The following ERC2 variants were observed in gnomAD, a reference collection of about 807,000 sequenced individuals.
ERC2 encodes the protein ELKS/RAB6-interacting/CAST family member 2.
In ERC2, 42 loss-of-function variants were observed where a neutral mutation model predicts 114.8. That is an observed-to-expected ratio of 0.37 (90% confidence interval 0.29 to 0.47). The LOEUF (loss-of-function observed/expected upper bound fraction) is 0.47, where lower values mean the gene tolerates loss of function less well. ERC2 is among the 20% of genes least tolerant of loss of function. The pLI, the probability that ERC2 is intolerant of heterozygous loss-of-function variation, is 0.99. For missense variants in ERC2, 939 were observed against 1,150.7 expected (o/e 0.82, Z 2.66); for synonymous variants, 454 against 425.5 (o/e 1.07, Z -0.82).
At chr3:55,799,874 G>T (rs1294522319) in intron 14 of ERC2, among the ~76,000 whole-genome samples, 1 of 152,070 alleles carries the variant, frequency 6.6e-6, no homozygotes, top group African/African-American at 2.4e-5. Flanking sequence ...GTCAGAGTAG[G>T]GGTCACCATT....
intron 15 of ERC2, among the ~76,000 whole-genome samples, chr3:55,715,913 G>C (rs1472191979): frequency 6.6e-6 from 1 of 152,092 alleles, no homozygotes; most frequent in Non-Finnish European, 1.5e-5. Flanking sequence ...TGGTGGTTGG[G>C]GGATGCATTA....
intron 13 of ERC2, among the ~76,000 whole-genome samples, chr3:55,902,522 G>C (rs1045745062): frequency 6.6e-6 from 1 of 152,200 alleles, no homozygotes; most frequent in African/African-American, 2.4e-5. Context: ...AGGAGTATGA[G>C]AGGCACCACA....
chr3:55,579,812 G>A (rs761745118), intron 17 of ERC2, among the ~76,000 whole-genome samples: 5 of 152,280 alleles, frequency 3.3e-5, no homozygotes, highest in Non-Finnish European at 2.9e-5. Flanking sequence ...CCTCCTTTGC[G>A]TTGAAGAGCC....
intron 15 of ERC2, among the ~76,000 whole-genome samples, chr3:55,728,332 T>A (rs2065044852): frequency 6.6e-6 from 1 of 152,098 alleles, no homozygotes; most frequent in Admixed American, 6.6e-5. Flanking sequence ...CTGTTACAAG[T>A]GCTATAAAAT....
chr3:55,956,596 G>T lies in ERC2; in HGVS notation c.2268-6036C>A, dbSNP rs376842351. On this transcript the variant is annotated intron_variant, in intron 12 of 17. Transcript: ENST00000288221. ...TGATATCCTTTCCAGGAAGAGAAAGGATCTGGCCTGCTGTGGCAACTTGAA... is the reference window on the plus strand; with the variant it reads ...TGATATCCTTTCCAGGAAGAGAAAGTATCTGGCCTGCTGTGGCAACTTGAA... Among the ~76,000 whole-genome samples the T allele has an allele frequency of 4.6e-5, 7 of 152,194 alleles. No individual in the cohort carries two copies. The East Asian group carries it at 1.2e-3, about 25-fold the overall frequency.
chr3:56,458,308 C>T (rs1166379648), intron 1 of ERC2, among the ~76,000 whole-genome samples: 2 of 152,068 alleles, frequency 1.3e-5, no homozygotes, highest in Middle Eastern at 3.4e-3. Context: ...AACAGAGATC[C>T]CAAATAAGGA....
chr3:56,161,948 C>G (rs960758290), intron 4 of ERC2, among the ~76,000 whole-genome samples: 2 of 152,076 alleles, frequency 1.3e-5, no homozygotes, highest in Non-Finnish European at 2.9e-5. Context: ...GAGTGAGCAT[C>G]CTTGTCTTGT....
At chr3:56,368,997 T>C (rs745591452) in intron 2 of ERC2, among the ~76,000 whole-genome samples, 1 of 152,126 alleles carries the variant, frequency 6.6e-6, no homozygotes, top group Non-Finnish European at 1.5e-5. Context: ...CAAGGGAGGA[T>C]TCTCAGAGAT....
chr3:55,567,385 G>T (rs1011961828), intron 17 of ERC2, among the ~76,000 whole-genome samples: 1 of 152,214 alleles, frequency 6.6e-6, no homozygotes, highest in Non-Finnish European at 1.5e-5. Flanking sequence ...ATAAGGCAAG[G>T]TTGGAAAGGT....
intron 3 of ERC2, among the ~76,000 whole-genome samples, chr3:56,177,506 C>T (rs1235782636): frequency 1.3e-5 from 2 of 152,170 alleles, no homozygotes; most frequent in Admixed American, 1.3e-4. Flanking sequence ...AATTTTTCTG[C>T]GTCACAGATC....
intron 3 of ERC2, among the ~76,000 whole-genome samples, chr3:56,284,809 C>T (rs2054569363): frequency 6.6e-6 from 1 of 152,026 alleles, no homozygotes; most frequent in African/African-American, 2.4e-5. Flanking sequence ...TGTGGTATAT[C>T]AGATAAAACA....
At chr3:56,335,452 T>C (rs1156855503) in intron 2 of ERC2, among the ~76,000 whole-genome samples, 1 of 152,204 alleles carries the variant, frequency 6.6e-6, no homozygotes, top group Non-Finnish European at 1.5e-5. Context: ...AAAAAAGCGA[T>C]GATTTTTTAA....
At chr3:55,765,060 G>C (rs1038958181) in intron 14 of ERC2, among the ~76,000 whole-genome samples, 19 of 152,140 alleles carry the variant, frequency 1.2e-4, no homozygotes, top group African/African-American at 2.4e-5. Flanking sequence ...TCCAACAGGA[G>C]ATCGCTTCTT....
chr3:56,086,870 G>A (rs2077532289), intron 6 of ERC2, among the ~76,000 whole-genome samples: 2 of 152,178 alleles, frequency 1.3e-5, no homozygotes, highest in East Asian at 1.9e-4. Context: ...AAGTTAAAAT[G>A]TTTAGGTATA....
At chr3:56,286,423 A>G (rs1337725674) in intron 3 of ERC2, among the ~76,000 whole-genome samples, 1 of 150,246 alleles carries the variant, frequency 6.7e-6, no homozygotes, top group Non-Finnish European at 1.5e-5. Flanking sequence ...TCAAAAAAAA[A>G]AAAAAAAAAA....
At chr3:56,459,650 G>A (rs9819137) in intron 1 of ERC2, among the ~76,000 whole-genome samples, 62,708 of 152,012 alleles carry the variant, frequency 0.41, 13,236 homozygotes, top group South Asian at 0.54. Context: ...TGAACATTGC[G>A]GCTGGCCTTT....
At chr3:56,127,618 G>T (rs2079949665) in intron 6 of ERC2, among the ~76,000 whole-genome samples, 1 of 151,996 alleles carries the variant, frequency 6.6e-6, no homozygotes, top group Admixed American at 6.6e-5. Flanking sequence ...AGCTACTCGG[G>T]AGGCTGAGGC....
chr3:55,870,249 A>AT (rs922559162), intron 14 of ERC2, among the ~76,000 whole-genome samples: 1 of 151,936 alleles, frequency 6.6e-6, no homozygotes, highest in African/African-American at 2.4e-5. Flanking sequence ...TAATTTTTAG[A>AT]TTTTTAGTAG....
intron 6 of ERC2, among the ~76,000 whole-genome samples, chr3:56,108,628 C>T (rs987162783): frequency 3.9e-5 from 6 of 151,994 alleles, no homozygotes; most frequent in Non-Finnish European, 8.8e-5. Context: ...ATCATATTTA[C>T]TTAAACTAAT....
Sources: gnomAD v4.1 joint callset for allele counts (sites outside exome capture counted in the v4.1 genomes callset) on GRCh38, gnomAD v4.1.1 for gene constraint, MANE v1.5 for transcripts, NCBI Gene and HGNC (gene_info 2026-07-23, HGNC 2026-07-21) for gene names.